SYNPO: variants seen among roughly 807,000 people sequenced by gnomAD.
SYNPO encodes the protein synaptopodin.
A neutral mutation model predicts 49.5 loss-of-function variants in SYNPO; 19 were observed. That is an observed-to-expected ratio of 0.38 (90% CI 0.27 to 0.56). The LOEUF (loss-of-function observed/expected upper bound fraction) is 0.56. Among genes scored for constraint, SYNPO ranks in the 20% least tolerant of loss-of-function variants. The pLI, the probability that SYNPO is intolerant of heterozygous loss-of-function variation, is 0.68. For missense variants in SYNPO, 1,131 were observed against 1,248.3 expected, an observed-to-expected ratio of 0.91 and a Z score of 1.42; for synonymous variants, 536 against 548.0, an observed-to-expected ratio of 0.98 and a Z score of 0.31.
chr5:150,609,305 A>G (rs1177200190), intron 1 of SYNPO, among the ~76,000 whole-genome samples: 1 of 152,056 alleles, frequency 6.6e-6, no homozygotes, highest in Admixed American at 6.5e-5. Flanking sequence ...AATTTTTTTA[A>G]TTTTTTGAGA....
intron 1 of SYNPO, among the ~76,000 whole-genome samples, chr5:150,644,459 G>T (rs776807287): frequency 2.0e-5 from 3 of 152,216 alleles, no homozygotes; most frequent in African/African-American, 4.8e-5. Flanking sequence ...AATCCCCTGT[G>T]CTAGAAGAGT....
Position 150,656,722 on chromosome 5 carries a change from T to C in SYNPO, c.2347T>C (p.Phe783Leu), listed in dbSNP as rs1361734758. The change falls in exon 3 of 3, where the codon TTC (phenylalanine) becomes CTC (leucine). Residue 783 changes from phenylalanine (F) to leucine (L), a missense_variant. Physicochemically the swap from Phe to Leu is conservative, Grantham distance 22. Coordinates refer to ENST00000307662, the MANE Select transcript of SYNPO (RefSeq NM_007286.6). ...GGCGGGCGCCGAGAACCCGCGGCCCTTCTCCCCGCCGAGGGCGCCACCGCC... is the reference window on the plus strand; with the variant it reads ...GGCGGGCGCCGAGAACCCGCGGCCCCTCTCCCCGCCGAGGGCGCCACCGCC... ...RSAGAENPRP[F>L]SPPRAPPPPP... 31 of 1,370,816 alleles carry C rather than the reference T, an allele frequency of 2.3e-5. No individual in the cohort carries two copies. The African/African-American group carries it at 3.7e-4, about 16-fold the overall frequency. The allele number at this position is 1,370,816 out of a possible 1,614,324, so 84.9% of individuals were successfully genotyped here. A position where few individuals can be genotyped will look rare whatever the true frequency, so the allele number is the denominator to read the frequency against.
At chr5:150,625,797 T>C (rs1757336673) in intron 2 of SYNPO, among the ~76,000 whole-genome samples, 2 of 152,038 alleles carry the variant, frequency 1.3e-5, no homozygotes, top group South Asian at 4.1e-4. Context: ...ACTCCGTCCA[T>C]GGGGTCCAGG....
At chr5:150,652,553 C>A in intron 2 of SYNPO, 2 of 327,720 alleles carry the variant, frequency 6.1e-6, no homozygotes. Context: ...CTACAGCACT[C>A]AGGGAGCCAG....
At chr5:150,620,907 TTC>T (rs1209499684) in intron 2 of SYNPO, among the ~76,000 whole-genome samples, 1 of 120,776 alleles carries the variant, frequency 8.3e-6, no homozygotes, top group Admixed American at 8.0e-5. Flanking sequence ...TTCTCTTTCT[TTC>T]TTTCTTTCTT....
At chr5:150,607,972 G>A (rs996644447) in intron 1 of SYNPO, among the ~76,000 whole-genome samples, 2 of 152,234 alleles carry the variant, frequency 1.3e-5, no homozygotes, top group Non-Finnish European at 2.9e-5. Flanking sequence ...ACATCTCAAT[G>A]TGGGCTAGCC....
At position 150,642,573 on chromosome 5, in the gene SYNPO, T is replaced by G. The variant is rs1335688607; in HGVS notation, c.-333+1719T>G. 1.5e-4 allele frequency among the ~76,000 whole-genome samples: 23 copies of G among 152,072 alleles called. 1 individual carries two copies. Among genetic ancestry groups the G allele is most frequent in the Admixed American group, 1.5e-3 (23 of 15,276 alleles). ...CTTGAGCAGCTGCTGCCTGGGATAT[T>G]GCCAGAGAGGGCAGCTCCCTAGTCT... On this transcript the variant is annotated intron_variant, in intron 1 of 2. Coordinates refer to ENST00000307662, the MANE Select transcript of SYNPO (RefSeq NM_007286.6).
intron 1 of SYNPO, among the ~76,000 whole-genome samples, chr5:150,645,361 A>AG (rs1043257829): frequency 6.6e-6 from 1 of 152,132 alleles, no homozygotes; most frequent in African/African-American, 2.4e-5. Context: ...GGGGCAATGG[A>AG]GGGAGGAATT....
At chr5:150,609,789 G>C (rs551228081) in intron 1 of SYNPO, among the ~76,000 whole-genome samples, 21 of 150,810 alleles carry the variant, frequency 1.4e-4, no homozygotes, top group Admixed American at 8.5e-4. Context: ...AATGTGGCGG[G>C]GGGGGGCAGT....
the SYNPO span, among the ~76,000 whole-genome samples, chr5:150,586,649 C>T: frequency 1.3e-5 from 2 of 151,600 alleles, no homozygotes; most frequent in African/African-American, 2.4e-5. Context: ...ATTATATATT[C>T]ATTTGTGGAA....
At chr5:150,590,378 G>T in the SYNPO span, among the ~76,000 whole-genome samples, 1 of 152,248 alleles carries the variant, frequency 6.6e-6, no homozygotes, top group Non-Finnish European at 1.5e-5. Flanking sequence ...CTCAGAAGGG[G>T]ATGTGGAGGC....
At chr5:150,590,783 G>C in the SYNPO span, among the ~76,000 whole-genome samples, 1 of 152,184 alleles carries the variant, frequency 6.6e-6, no homozygotes, top group South Asian at 2.1e-4. Flanking sequence ...CACGTGAAGG[G>C]TCTCGAAAAG....
At chr5:150,598,254 C>T (rs114901049), upstream of SYNPO, among the ~76,000 whole-genome samples, 4,059 of 152,222 alleles carry the variant, frequency 0.027, 190 homozygotes, top group African/African-American at 0.092. Flanking sequence ...AGAACAAGCA[C>T]GGTGCTCAGC....
In SYNPO at chr5:150,618,790, T is replaced by G. The variant is rs778381632; in HGVS notation, c.400+23T>G. Reference sequence around the variant, plus strand: ...CAGGTAAGCTTGTGTTCCTTTTCCCTTGGACTACCAGAGTCACTGGAGACC... The same window carrying G: ...CAGGTAAGCTTGTGTTCCTTTTCCCGTGGACTACCAGAGTCACTGGAGACC... On this transcript the variant is annotated intron_variant, in intron 2 of 2. Coordinates refer to the SYNPO transcript ENST00000394243. The G allele has an allele frequency of 1.9e-6, 3 of 1,550,710 alleles. No homozygotes were observed. The East Asian group carries it at 7.3e-5, about 38-fold the overall frequency.
At position 150,656,737 on chromosome 5, in the gene SYNPO, GCGCCAC is replaced by G. The variant is rs747545051; in HGVS notation, c.2367_2372del (p.Pro799_Pro800del). 210 of 1,285,244 alleles carry G rather than the reference GCGCCAC, an allele frequency of 1.6e-4. 1 individual carries two copies. The Middle Eastern group carries it at 6.9e-3, about 42-fold the overall frequency. The allele number at this position is 1,285,244 out of a possible 1,614,324, so 79.6% of individuals were successfully genotyped here. On this transcript the variant is annotated inframe_deletion, in exon 3 of 3. Transcript: ENST00000307662. Reference sequence around the variant, plus strand: ...CCCGCGGCCCTTCTCCCCGCCGAGGGCGCCACCGCCCCCGCCCCCGCCCCCGCCCCC... The same window carrying G: ...CCCGCGGCCCTTCTCCCCGCCGAGGGCGCCCCCGCCCCCGCCCCCGCCCCC...
chr5:150,649,827 TC>T lies in SYNPO; in HGVS notation c.1554del (p.Trp519GlyfsTer119). ...CPSPTMSLPS[S>X]WKYPTNAPGA... ...ATCACCTACCATGTCCCTGCCTTCC[TC>T]CTGGAAATACCCCACTAACGCCCCC... On this transcript the variant is annotated frameshift_variant, in exon 2 of 3. Coordinates refer to ENST00000307662, the MANE Select transcript of SYNPO (RefSeq NM_007286.6). LOFTEE classifies it high-confidence loss of function. 6.2e-7 allele frequency: 1 copy of T among 1,609,780 alleles called. No homozygotes were observed. Among genetic ancestry groups the T allele is most frequent in the Non-Finnish European group, 8.5e-7 (1 of 1,179,974 alleles).
intron 2 of SYNPO, among the ~76,000 whole-genome samples, chr5:150,620,959 T>TCTTTTC (rs1318731516): frequency 6.8e-6 from 1 of 147,028 alleles, no homozygotes; most frequent in Non-Finnish European, 1.5e-5. Context: ...TCTTTTCTTT[T>TCTTTTC]TTTTTTTTTT....
intron 1 of SYNPO, among the ~76,000 whole-genome samples, chr5:150,612,461 C>T (rs967594261): frequency 6.6e-6 from 1 of 152,208 alleles, no homozygotes. Flanking sequence ...TTCATTCGTT[C>T]ATCTTTTCAT....
chr5:150,593,696 G>A, the SYNPO span, among the ~76,000 whole-genome samples: 2 of 152,210 alleles, frequency 1.3e-5, no homozygotes. Flanking sequence ...CTGGGCTCAA[G>A]TAGTCCCCCT....
Sources: allele counts gnomAD v4.1 joint callset (sites outside exome capture counted in the v4.1 genomes callset), GRCh38; gene constraint gnomAD v4.1.1; transcripts MANE v1.5; gene names NCBI Gene and HGNC (gene_info 2026-07-23, HGNC 2026-07-21).